Variants in NOX4 observed in about 807,000 individuals in gnomAD.
The protein encoded by NOX4 is NADPH oxidase 4.
A neutral mutation model predicts 87.6 loss-of-function variants in NOX4; 69 were observed. That is an observed-to-expected ratio of 0.79 (90% CI 0.65 to 0.96). The LOEUF (loss-of-function observed/expected upper bound fraction) is 0.96. Ranked by LOEUF, NOX4 falls within the 40% of genes least tolerant of loss-of-function variation. The pLI is 0.00. For synonymous variants in NOX4, 275 were observed against 238.2 expected, an observed-to-expected ratio of 1.15 and a Z score of -1.42; for missense variants, 680 against 681.5, an observed-to-expected ratio of 1.00 and a Z score of 0.02.
chr11:89,488,863 C>T (rs766330875), intron 2 of NOX4: 5 of 614,706 alleles, frequency 8.1e-6, no homozygotes, highest in Middle Eastern at 2.6e-4. Flanking sequence ...TTAGAAGAAA[C>T]CTTTTCTTGT....
intron 2 of NOX4, among the ~76,000 whole-genome samples, chr11:89,489,594 G>A (rs969138570): frequency 6.6e-6 from 1 of 151,914 alleles, no homozygotes; most frequent in African/African-American, 2.4e-5. Context: ...CAGGTGTGCT[G>A]GTGCGTGCCT....
chr11:89,389,989 G>A (rs1232481183), intron 11 of NOX4, among the ~76,000 whole-genome samples: 1 of 152,122 alleles, frequency 6.6e-6, no homozygotes, highest in African/African-American at 2.4e-5. Context: ...CACTTAATTA[G>A]TAGGTACTAT....
At chr11:89,355,132 T>C (rs1453341369) in intron 12 of NOX4, 89 bp from the exon 13 acceptor site, 18 of 970,582 alleles carry the variant, frequency 1.9e-5, no homozygotes, top group Middle Eastern at 2.2e-4. Flanking sequence ...TTGGTTTATT[T>C]TGTTAGACAT....
intron 2 of NOX4, among the ~76,000 whole-genome samples, chr11:89,465,419 A>G (rs1945639133): frequency 6.6e-6 from 1 of 152,128 alleles, no homozygotes; most frequent in Non-Finnish European, 1.5e-5. Flanking sequence ...AGTCTTTGCT[A>G]TTGTTAACAC....
At chr11:89,372,419 A>G (rs1306576640) in intron 12 of NOX4, among the ~76,000 whole-genome samples, 2 of 151,946 alleles carry the variant, frequency 1.3e-5, no homozygotes, top group Non-Finnish European at 2.9e-5. Flanking sequence ...CTTTTGTTTG[A>G]TTGACTTTGT....
intron 11 of NOX4, among the ~76,000 whole-genome samples, chr11:89,381,435 C>T (rs978241069): frequency 6.6e-6 from 1 of 152,092 alleles, no homozygotes; most frequent in Non-Finnish European, 1.5e-5. Context: ...CTTCTCCTGG[C>T]CCAAAAGCTC....
the NOX4 span, among the ~76,000 whole-genome samples, chr11:89,565,489 C>T: frequency 6.6e-6 from 1 of 151,972 alleles, no homozygotes; most frequent in Non-Finnish European, 1.5e-5. Flanking sequence ...TTTCCTCTTG[C>T]CTTCCTGTTT....
At chr11:89,546,657 C>T in the NOX4 span, 1 of 152,230 alleles carries the variant, frequency 6.6e-6, no homozygotes, top group African/African-American at 2.4e-5. Context: ...GCTGGAAAAT[C>T]CAATGTCTAG....
At chr11:89,379,840 AATCATC>A (rs1735764297) in intron 11 of NOX4, among the ~76,000 whole-genome samples, 1 of 152,180 alleles carries the variant, frequency 6.6e-6, no homozygotes, top group Admixed American at 6.6e-5. Context: ...CCCTGGTCAA[AATCATC>A]ATCATACTTC....
intron 12 of NOX4, among the ~76,000 whole-genome samples, chr11:89,355,753 C>T (rs926649103): frequency 2.0e-5 from 3 of 152,092 alleles, no homozygotes; most frequent in African/African-American, 7.2e-5. Flanking sequence ...TTGGCATTAT[C>T]ATTTAAGTTT....
At chr11:89,460,785 T>A (rs1284525273) in intron 2 of NOX4, among the ~76,000 whole-genome samples, 1 of 152,178 alleles carries the variant, frequency 6.6e-6, no homozygotes, top group African/African-American at 2.4e-5. Context: ...AAATACCATT[T>A]GACCCAGCAA....
intron 17 of NOX4, among the ~76,000 whole-genome samples, chr11:89,330,643 A>T (rs2135362848): frequency 6.7e-6 from 1 of 149,608 alleles, no homozygotes; most frequent in East Asian, 2.0e-4. Context: ...AAAAAAAAAA[A>T]TACAGAGGCA....
chr11:89,426,742 A>G (rs113405857), intron 7 of NOX4, among the ~76,000 whole-genome samples: 3,095 of 152,210 alleles, frequency 0.02, 115 homozygotes, highest in African/African-American at 0.069. Flanking sequence ...AACTGGGTGG[A>G]GCCCACCACA....
the NOX4 span, among the ~76,000 whole-genome samples, chr11:89,523,086 G>A: frequency 1.3e-5 from 2 of 151,756 alleles, no homozygotes; most frequent in Admixed American, 6.6e-5. Flanking sequence ...ATGCAGTGGC[G>A]CGATTTTGGA....
chr11:89,469,005 C>T (rs891340404), intron 2 of NOX4, among the ~76,000 whole-genome samples: 2 of 152,156 alleles, frequency 1.3e-5, no homozygotes, highest in Non-Finnish European at 2.9e-5. Context: ...GCTAGTATTA[C>T]AGGAGTGAGC....
the NOX4 span, among the ~76,000 whole-genome samples, chr11:89,514,373 T>G: frequency 6.8e-6 from 1 of 147,558 alleles, no homozygotes; most frequent in Non-Finnish European, 1.5e-5. Context: ...ATTCTGAATT[T>G]ATTTAACTCT....
chr11:89,537,596 A>G, the NOX4 span, among the ~76,000 whole-genome samples: 1 of 152,134 alleles, frequency 6.6e-6, no homozygotes, highest in East Asian at 1.9e-4. Context: ...AAGAAAAAGC[A>G]AAGCATAGAC....
chr11:89,437,125 G>A (rs1230725553), intron 6 of NOX4, among the ~76,000 whole-genome samples: 9 of 151,996 alleles, frequency 5.9e-5, no homozygotes, highest in Admixed American at 2.0e-4. Flanking sequence ...CACTTTGGGA[G>A]GCTGAGGCAA....
At chr11:89,496,320 C>T (rs1474417742), upstream of NOX4, among the ~76,000 whole-genome samples, 1 of 152,080 alleles carries the variant, frequency 6.6e-6, no homozygotes, top group Non-Finnish European at 1.5e-5. Context: ...ATAAGGCTTA[C>T]AAATGTGAAG....
Sources: allele counts gnomAD v4.1 joint callset (sites outside exome capture counted in the v4.1 genomes callset), GRCh38; gene constraint gnomAD v4.1.1; transcripts MANE v1.5; gene names NCBI Gene and HGNC (gene_info 2026-07-23, HGNC 2026-07-21).